The following C12orf42 variants were observed in gnomAD, a reference collection of about 807,000 sequenced individuals.
The protein encoded by C12orf42 is chromosome 12 open reading frame 42, also known as uncharacterized protein C12orf42.
A neutral mutation model predicts 21.6 loss-of-function variants in C12orf42; 25 were observed. The observed-to-expected ratio is 1.16, with a 90% CI of 0.84 to 1.62. C12orf42 has a LOEUF of 1.62. Ranked by LOEUF, C12orf42 falls within the 40% of genes most tolerant of loss-of-function variation. The pLI is 0.00. For missense variants in C12orf42, 483 were observed against 459.3 expected (o/e 1.05, Z -0.47); for synonymous variants, 174 against 175.0 (o/e 0.99, Z 0.05).
intron 2 of C12orf42, among the ~76,000 whole-genome samples, chr12:103,466,969 C>A (rs1306611941): frequency 6.6e-6 from 1 of 152,190 alleles, no homozygotes; most frequent in African/African-American, 2.4e-5. Context: ...CAGTCAACAG[C>A]CAACACACCC....
At chr12:103,114,765 G>C in the C12orf42 span, among the ~76,000 whole-genome samples, 1,086 of 152,286 alleles carry the variant, frequency 7.1e-3, 16 homozygotes, top group African/African-American at 0.025. Flanking sequence ...AGAAGGCCTG[G>C]ACCTCATTTT....
At chr12:103,054,248 T>C in the C12orf42 span, among the ~76,000 whole-genome samples, 1 of 151,898 alleles carries the variant, frequency 6.6e-6, no homozygotes, top group Non-Finnish European at 1.5e-5. Context: ...AGATTTTCTT[T>C]GATTTCTTTG....
At chr12:103,521,447 A>G in the C12orf42 span, among the ~76,000 whole-genome samples, 1 of 152,150 alleles carries the variant, frequency 6.6e-6, no homozygotes, top group Admixed American at 6.5e-5. Flanking sequence ...ACCAAACACC[A>G]CATGTTCTCA....
At chr12:103,256,111 T>TATAC (rs1439188517) in intron 10 of C12orf42, among the ~76,000 whole-genome samples, 1,610 of 33,544 alleles carry the variant, frequency 0.048, 45 homozygotes, top group Non-Finnish European at 0.068. Flanking sequence ...TATATATATA[T>TATAC]ACACACACAC....
downstream of C12orf42, chr12:103,267,610 A>G (rs1410544647): frequency 6.6e-6 from 1 of 152,190 alleles, no homozygotes; most frequent in African/African-American, 2.4e-5. Context: ...GTAACTTACA[A>G]AACACTTCAT....
Position 103,391,927 on chromosome 12 carries a change from C to T in C12orf42, c.147+9680G>A, listed in dbSNP as rs138981027. On this transcript the variant is annotated intron_variant, in intron 3 of 5. Coordinates refer to ENST00000548883, the MANE Select transcript of C12orf42 (RefSeq NM_198521.5). ...AAATCTAAGGTCATGAATATTTTGC[C>T]TTATGTTTTCTTCTGAATTTTATAG... 2.4e-4 allele frequency among the ~76,000 whole-genome samples: 37 copies of T among 152,082 alleles called. 2 individuals are homozygous for T. In the East Asian group the frequency reaches 6.8e-3, roughly 28 times the overall value.
chr12:103,129,904 T>C, the C12orf42 span, among the ~76,000 whole-genome samples: 1 of 152,320 alleles, frequency 6.6e-6, no homozygotes. Flanking sequence ...CTGTCTTCCA[T>C]ATGTGTGTAG....
chr12:103,147,503 C>CTTTTTTTTTTTTTTTTTTTTTTTT, the C12orf42 span, among the ~76,000 whole-genome samples: 5 of 99,968 alleles, frequency 5.0e-5, no homozygotes, highest in African/African-American at 8.1e-5. Context: ...CTTTTTTTTT[C>CTTTTTTTTTTTTTTTTTTTTTTTT]TTTTTTTTTT....
intron 4 of C12orf42, among the ~76,000 whole-genome samples, chr12:103,308,973 G>C (rs1205494333): frequency 1.3e-5 from 2 of 152,152 alleles, no homozygotes; most frequent in East Asian, 3.8e-4. Flanking sequence ...CAAAAGCTAG[G>C]AAAAAGGCAC....
intron 3 of C12orf42, among the ~76,000 whole-genome samples, chr12:103,400,796 T>C (rs145322138): frequency 3.3e-5 from 5 of 152,322 alleles, no homozygotes; most frequent in East Asian, 1.9e-4. Flanking sequence ...AGGGAGTCCA[T>C]AGAAGAGAAA....
At chr12:103,370,901 A>C (rs2045159023) in intron 3 of C12orf42, among the ~76,000 whole-genome samples, 1 of 152,134 alleles carries the variant, frequency 6.6e-6, no homozygotes, top group Admixed American at 6.6e-5. Flanking sequence ...AATTAATAAT[A>C]TAAATAAATA....
At chr12:103,241,666 C>A (rs1313861734) in intron 10 of C12orf42, among the ~76,000 whole-genome samples, 1 of 152,076 alleles carries the variant, frequency 6.6e-6, no homozygotes, top group African/African-American at 2.4e-5. Flanking sequence ...AATGTCCTCC[C>A]AACCTTAAAA....
chr12:103,063,413 C>T, the C12orf42 span, among the ~76,000 whole-genome samples: 1,705 of 152,184 alleles, frequency 0.011, 36 homozygotes, highest in African/African-American at 0.039. Flanking sequence ...AAGAATGGGA[C>T]GTGCAACTTG....
At chr12:103,521,765 G>A in the C12orf42 span, among the ~76,000 whole-genome samples, 19 of 152,232 alleles carry the variant, frequency 1.2e-4, no homozygotes, top group Non-Finnish European at 1.2e-4. Context: ...ATGAAATATC[G>A]TCTTTGTCTT....
At chr12:103,280,970 C>A (rs2036078174) in intron 4 of C12orf42, among the ~76,000 whole-genome samples, 4 of 152,186 alleles carry the variant, frequency 2.6e-5, no homozygotes, top group Admixed American at 2.0e-4. Context: ...ACTAACCCAA[C>A]CTTGCTGGAG....
At chr12:103,429,414 G>A (rs984218201) in intron 2 of C12orf42, among the ~76,000 whole-genome samples, 12 of 152,172 alleles carry the variant, frequency 7.9e-5, no homozygotes, top group Non-Finnish European at 1.8e-4. Context: ...ACTTCCAAGG[G>A]ATGTGAAGGA....
chr12:103,126,113 C>T, the C12orf42 span, among the ~76,000 whole-genome samples: 1 of 152,162 alleles, frequency 6.6e-6, no homozygotes, highest in Admixed American at 6.5e-5. Flanking sequence ...TTGACTATGG[C>T]ATAACAGGAG....
At chr12:103,252,511 T>C (rs1202598473) in intron 10 of C12orf42, among the ~76,000 whole-genome samples, 7 of 152,238 alleles carry the variant, frequency 4.6e-5, no homozygotes, top group African/African-American at 9.6e-5. Context: ...TGGTATCCCA[T>C]TGCAGTTTTG....
the C12orf42 span, among the ~76,000 whole-genome samples, chr12:103,196,862 G>A: frequency 1.3e-5 from 2 of 152,132 alleles, no homozygotes; most frequent in African/African-American, 2.4e-5. Context: ...TTTTGCTTCT[G>A]TATCCAACTT....
Sources: allele counts gnomAD v4.1 joint callset (sites outside exome capture counted in the v4.1 genomes callset), GRCh38; gene constraint gnomAD v4.1.1; transcripts MANE v1.5; gene names NCBI Gene and HGNC (gene_info 2026-07-23, HGNC 2026-07-21).